TMEM131: variants seen among roughly 807,000 people sequenced by gnomAD.
The protein encoded by TMEM131 is transmembrane protein 131, also known as 2610524E03Rik.
A neutral mutation model predicts 211.6 loss-of-function variants in TMEM131; 66 were observed. The observed-to-expected ratio is 0.31, with a 90% CI of 0.26 to 0.38. The LOEUF is 0.38. TMEM131 is among the 10% of genes least tolerant of loss of function. TMEM131 has a pLI of 1.00. For missense variants in TMEM131, 2,036 were observed against 2,299.3 expected (o/e 0.89, Z 2.34); for synonymous variants, 844 against 841.3 (o/e 1.00, Z -0.06).
chr2:97,889,819 C>T (rs550343721), intron 3 of TMEM131, among the ~76,000 whole-genome samples: 22 of 152,242 alleles, frequency 1.4e-4, no homozygotes, highest in South Asian at 2.1e-4. Flanking sequence ...CAGTTACCGT[C>T]TATTGGCTGG....
At chr2:97,817,986 T>A (rs1466930128) in intron 12 of TMEM131, among the ~76,000 whole-genome samples, 4 of 152,344 alleles carry the variant, frequency 2.6e-5, no homozygotes, top group South Asian at 2.1e-4. Flanking sequence ...GTCATTATTT[T>A]AAAAATGTTG....
intron 4 of TMEM131, among the ~76,000 whole-genome samples, chr2:97,876,748 C>A (rs374520735): frequency 3.9e-5 from 6 of 152,142 alleles, no homozygotes; most frequent in Non-Finnish European, 7.3e-5. Flanking sequence ...CAATACCATA[C>A]TGAGTGGGCA....
intron 2 of TMEM131, among the ~76,000 whole-genome samples, chr2:97,915,220 T>C (rs1054564864): frequency 6.6e-6 from 1 of 152,252 alleles, no homozygotes; most frequent in Non-Finnish European, 1.5e-5. Flanking sequence ...TCTTTCTATA[T>C]TCCAGAAACT....
chr2:97,924,694 T>C (rs1487042583), intron 2 of TMEM131, among the ~76,000 whole-genome samples: 2 of 152,068 alleles, frequency 1.3e-5, no homozygotes, highest in East Asian at 3.9e-4. Flanking sequence ...GCTCTCAAGG[T>C]GATTCCAATG....
At chr2:97,923,574 AT>A (rs1193438953) in intron 2 of TMEM131, among the ~76,000 whole-genome samples, 2 of 140,014 alleles carry the variant, frequency 1.4e-5, no homozygotes, top group African/African-American at 5.5e-5. Context: ...GTGAGCCATG[AT>A]TGTGCCACTG....
chr2:97,891,924 C>G (rs971612475), intron 3 of TMEM131, among the ~76,000 whole-genome samples: 13 of 151,288 alleles, frequency 8.6e-5, no homozygotes, highest in African/African-American at 3.1e-4. Flanking sequence ...CATCTTGATC[C>G]ACAAACATTA....
At chr2:97,977,542 T>A (rs979873428) in intron 1 of TMEM131, among the ~76,000 whole-genome samples, 1 of 152,230 alleles carries the variant, frequency 6.6e-6, no homozygotes, top group Non-Finnish European at 1.5e-5. Context: ...GCAAGTCAGG[T>A]AAGTTTTCTT....
intron 10 of TMEM131, among the ~76,000 whole-genome samples, chr2:97,834,399 G>A (rs1345923146): frequency 1.3e-5 from 2 of 152,006 alleles, no homozygotes; most frequent in African/African-American, 2.4e-5. Context: ...TTATCCCATG[G>A]CCTTGTTTTC....
At position 97,805,325 on chromosome 2, in the gene TMEM131, G is replaced by A. The variant is rs903392408; in HGVS notation, c.2284+51C>T. 3.8e-6 allele frequency: 6 copies of A among 1,590,760 alleles called. No homozygotes were observed. In the African/African-American group the frequency reaches 8.1e-5, roughly 21 times the overall value. On this transcript the variant is annotated intron_variant, in intron 21 of 40. Transcript: ENST00000186436. Reference sequence around the variant, plus strand: ...TAAAAGTGGCGGCCTCTTACTAAAAGAGTATTTTGGGGGAAGTGAAGACAT... The same window carrying A: ...TAAAAGTGGCGGCCTCTTACTAAAAAAGTATTTTGGGGGAAGTGAAGACAT...
intron 31 of TMEM131, among the ~76,000 whole-genome samples, chr2:97,783,686 C>A (rs201986167): frequency 7.9e-5 from 12 of 151,502 alleles, no homozygotes; most frequent in East Asian, 5.8e-4. Flanking sequence ...AAGTAACCCA[C>A]AAAAAGGCAG....
intron 5 of TMEM131, among the ~76,000 whole-genome samples, chr2:97,853,432 T>TA (rs55752619): frequency 0.013 from 1,190 of 90,378 alleles, 7 homozygotes; most frequent in South Asian, 0.026. Context: ...CCATCTCTAC[T>TA]AAAAAAAAAA....
chr2:97,833,548 T>C, intron 10 of TMEM131, 122 bp from the exon 11 acceptor site: 1 of 580,808 alleles, frequency 1.7e-6, no homozygotes. Context: ...ACAATAAGAT[T>C]AATAAAAAGA....
intron 4 of TMEM131, among the ~76,000 whole-genome samples, chr2:97,880,690 A>G (rs1474870674): frequency 6.6e-6 from 1 of 152,108 alleles, no homozygotes; most frequent in Non-Finnish European, 1.5e-5. Flanking sequence ...TTGGAGACAC[A>G]TGGTAAGTGA....
Position 97,893,324 on chromosome 2 carries a change from C to T in TMEM131, c.291-5204G>A, listed in dbSNP as rs969296317. On this transcript the variant is annotated intron_variant, in intron 3 of 40. Coordinates refer to ENST00000186436, the MANE Select transcript of TMEM131 (RefSeq NM_015348.2). ...CATTTGGGTTGGTTCCAAGTCTTTGCTATAGTGAGTAGTGCTGTAATAAAC... is the reference window on the plus strand; with the variant it reads ...CATTTGGGTTGGTTCCAAGTCTTTGTTATAGTGAGTAGTGCTGTAATAAAC... Among the ~76,000 whole-genome samples the T allele has an allele frequency of 5.9e-5, 9 of 152,128 alleles. 1 individual carries two copies. The highest frequency in any genetic ancestry group is 4.6e-4 in the Admixed American group (7 of 15,286).
At chr2:97,759,255 CACCAATGACATCCAAATGCAA>C in intron 39 of TMEM131, 1 of 617,418 alleles carries the variant, frequency 1.6e-6, no homozygotes, top group Admixed American at 3.0e-5. Flanking sequence ...GCTGATATGC[CACCAATGACATCCAAATGCAA>C]ACTTTCCCCA....
At chr2:97,796,707 G>A (rs1680783967) in intron 27 of TMEM131, 137 bp downstream of exon 27, 2 of 907,784 alleles carry the variant, frequency 2.2e-6, no homozygotes, top group African/African-American at 3.3e-5. Context: ...AACACAACAT[G>A]GAATTTCCTT....
chr2:97,757,002 AG>A lies in TMEM131; in HGVS notation c.*96del. ...TTTTGCAAAGAAGAGGAGGGTGGGG[AG>A]GGGAGCTGCAGTAAGAGCCTTAAAA... is the stretch of plus-strand genomic sequence containing the variant. On this transcript the variant is annotated 3_prime_UTR_variant, in exon 41 of 41. Transcript: ENST00000186436. The A allele has an allele frequency of 1.4e-6, 2 of 1,397,886 alleles. No individual in the cohort carries two copies. 86.6% of individuals were successfully genotyped at this position (1,397,886 alleles called of 1,614,324 possible).
intron 22 of TMEM131, among the ~76,000 whole-genome samples, chr2:97,804,812 G>A (rs1176182771): frequency 2.6e-5 from 4 of 151,976 alleles, no homozygotes; most frequent in Admixed American, 6.5e-5. Context: ...GAATACTGTC[G>A]TCATCCTACA....
chr2:97,901,488 G>T (rs1922282), intron 3 of TMEM131, among the ~76,000 whole-genome samples: 114,220 of 152,126 alleles, frequency 0.75, 44,577 homozygotes, highest in African/African-American at 0.87. Context: ...TGCAACCCCA[G>T]GTTTACCGTA....
Sources: gnomAD v4.1 joint callset for allele counts (sites outside exome capture counted in the v4.1 genomes callset) on GRCh38, gnomAD v4.1.1 for gene constraint, MANE v1.5 for transcripts, NCBI Gene and HGNC (gene_info 2026-07-23, HGNC 2026-07-21) for gene names.